Variants in FBXO46 observed in about 807,000 individuals in gnomAD.
FBXO46 encodes the protein F-box protein 46.
In FBXO46, 13 loss-of-function variants were observed where a neutral mutation model predicts 30.7. That is an observed-to-expected ratio of 0.42 (90% CI 0.28 to 0.67). FBXO46 has a LOEUF of 0.67. FBXO46 is among the 30% of genes least tolerant of loss of function. The pLI is 0.21. For synonymous variants in FBXO46, 467 were observed against 385.8 expected (o/e 1.21, Z -2.47); for missense variants, 754 against 871.5 (o/e 0.87, Z 1.70).
chr19:45,711,819 T>A lies in FBXO46; in HGVS notation c.1677A>T (p.Gly559=), dbSNP rs892107832. The A allele has an allele frequency of 1.2e-6, 2 of 1,612,988 alleles. No individual in the cohort carries two copies. Among genetic ancestry groups the A allele is most frequent in the South Asian group, 2.2e-5 (2 of 91,054 alleles). The change falls in exon 2 of 2, where the codon GGA becomes GGT. Residue 559 remains glycine, a synonymous_variant. Coordinates refer to ENST00000317683, the MANE Select transcript of FBXO46 (RefSeq NM_001080469.2). ...PKPYHHDLPY[G]RSYWMCCRRA... is the part of the protein sequence containing the mutation. ...GACGGCAGCACATCCAGTAGGAACGTCCGTAAGGCAGGTCATGGTGGTAGG... is the reference window on the plus strand; with the variant it reads ...GACGGCAGCACATCCAGTAGGAACGACCGTAAGGCAGGTCATGGTGGTAGG...
At position 45,713,089 on chromosome 19, in the gene FBXO46, C is replaced by T. The variant is rs374509869; in HGVS notation, c.407G>A (p.Arg136His). 7.2e-5 allele frequency: 115 copies of T among 1,598,126 alleles called. No homozygotes were observed. The highest frequency in any genetic ancestry group is 1.1e-4 in the East Asian group (5 of 44,790). Residue 136 changes from arginine (R) to histidine (H), a missense_variant, in exon 2 of 2, where the codon CGC (arginine) becomes CAC (histidine). By Grantham distance (29) the Arg-to-His change is conservative. Coordinates refer to ENST00000317683, the MANE Select transcript of FBXO46 (RefSeq NM_001080469.2). This position sits in a 1 kb window ranked among gnomAD's most constrained non-coding sequence, Gnocchi z 4.7. ...AGGAGCCTTGGTGGGGTCAAGACAG[C>T]GCCTCCGCCGCTTGGCCTTGGAGCT... ...SDSSKAKRRR[R>H]CLDPTKAPPD...
chr19:45,720,977 G>A (rs1218700329), intron 1 of FBXO46, among the ~76,000 whole-genome samples: 3 of 149,092 alleles, frequency 2.0e-5, no homozygotes, highest in Non-Finnish European at 4.4e-5. Context: ...CTCCAGCCTG[G>A]GTGACAGAGC....
rs921863868 is a variant in FBXO46, at chr19:45,713,947, G to A, written c.-78-374C>T. Among the ~76,000 whole-genome samples, 3 of 126,558 alleles carry A rather than the reference G, an allele frequency of 2.4e-5. No individual in the cohort carries two copies. The highest frequency in any genetic ancestry group is 9.1e-5 in the African/African-American group (3 of 32,988). The allele number at this position is 126,558 out of a possible 152,430, so 83.0% of individuals were successfully genotyped here. A position where few individuals can be genotyped will look rare whatever the true frequency, so the allele number is the denominator to read the frequency against. On this transcript the variant is annotated intron_variant, in intron 1 of 1. Transcript: ENST00000317683. The surrounding 1 kb of genome is among the most constrained non-coding windows in gnomAD (Gnocchi z 4.7). ...GGCACCATTACACTCCAGCCTGGGC[G>A]ACAAGAGCGAAACTCCGTCTCAAAA...
At chr19:45,727,391 C>T (rs1312185408) in intron 1 of FBXO46, among the ~76,000 whole-genome samples, 3 of 152,026 alleles carry the variant, frequency 2.0e-5, no homozygotes, top group African/African-American at 7.2e-5. Context: ...AACCTCATCT[C>T]TACTAAAAAT....
At chr19:45,720,436 T>C (rs1968153716) in intron 1 of FBXO46, among the ~76,000 whole-genome samples, 1 of 151,574 alleles carries the variant, frequency 6.6e-6, no homozygotes, top group Non-Finnish European at 1.5e-5. Context: ...CCTGGCCTAA[T>C]ATTTGTATTT....
chr19:45,713,195 C>A lies in FBXO46; in HGVS notation c.301G>T (p.Val101Leu). 6.2e-7 allele frequency: 1 copy of A among 1,613,906 alleles called. No individual in the cohort carries two copies. The highest frequency in any genetic ancestry group is 2.2e-5 in the East Asian group (1 of 44,884). Reference protein sequence around the residue: ...VIKPGNTKEKVAFFVAHQCGG... With the variant: ...VIKPGNTKEKLAFFVAHQCGG... Reference sequence around the variant, plus strand: ...CACTGGTGGGCCACAAAGAAGGCCACCTTCTCCTTTGTATTCCCGGGCTTG... The same window carrying A: ...CACTGGTGGGCCACAAAGAAGGCCAACTTCTCCTTTGTATTCCCGGGCTTG... The change falls in exon 2 of 2, where the codon GTG (valine) becomes TTG (leucine). Residue 101 changes from valine to leucine, a missense_variant. Physicochemically the swap from Val to Leu is conservative, Grantham distance 32. Around this residue, in one of 5 missense-constraint regions of FBXO46, gnomAD observed 39 missense variants for 56.5 expected, o/e 0.69. Transcript: ENST00000317683. This position sits in a 1 kb window ranked among gnomAD's most constrained non-coding sequence, Gnocchi z 4.7.
chr19:45,711,909 C>T lies in FBXO46; in HGVS notation c.1587G>A (p.Pro529=). 1 of 1,613,610 alleles carries T rather than the reference C, an allele frequency of 6.2e-7. No homozygotes were observed. Among genetic ancestry groups the T allele is most frequent in the South Asian group, 1.1e-5 (1 of 91,072 alleles). ...WSRDPLYRDD[P]CKQCRKRYEK... is the part of the protein sequence containing the mutation. ...CGTATCTCTTGCGGCACTGTTTGCA[C>T]GGATCATCGCGGTAGAGCGGGTCTC... Residue 529 remains proline, a synonymous_variant, in exon 2 of 2, where the codon CCG becomes CCA. Transcript: ENST00000317683.
rs1355976911 is a variant in FBXO46, at chr19:45,711,696, C to T, written c.1800G>A (p.Glu600=). The T allele has an allele frequency of 3.3e-6, 5 of 1,530,904 alleles. No individual in the cohort carries two copies. In the African/African-American group the frequency reaches 5.5e-5, roughly 17 times the overall value. 94.8% of individuals were successfully genotyped at this position (1,530,904 alleles called of 1,614,324 possible). Residue 600 remains glutamate (E), a synonymous_variant, in exon 2 of 2, where the codon GAG becomes GAA. Transcript: ENST00000317683. ...NGPGGGRAGR[E]EGR ...CCCTCCCCCGGCTTCACCTCCCCTC[C>T]TCCCGGCCGGCCCGGCCCCCGCCTG...
intron 1 of FBXO46, among the ~76,000 whole-genome samples, chr19:45,721,297 T>C (rs768070220): frequency 1.4e-4 from 22 of 152,030 alleles, no homozygotes; most frequent in Non-Finnish European, 2.6e-4. Context: ...TGAGCTGAGA[T>C]TTTGCCACTG....
chr19:45,720,156 C>T (rs899458543), intron 1 of FBXO46, among the ~76,000 whole-genome samples: 1 of 151,956 alleles, frequency 6.6e-6, no homozygotes, highest in South Asian at 2.1e-4. Context: ...CGGAGTCTTG[C>T]TCTGTTGCCC....
chr19:45,712,249 G>C lies in FBXO46; in HGVS notation c.1247C>G (p.Pro416Arg). 6.2e-7 allele frequency: 1 copy of C among 1,604,606 alleles called. No individual in the cohort carries two copies. Among genetic ancestry groups the C allele is most frequent in the Non-Finnish European group, 8.5e-7 (1 of 1,178,636 alleles). Reference sequence around the variant, plus strand: ...CGGGGGTGGCTCCGGGGGCCCGTCCGGCCCGCGGTTCTGGAGAAAGAAGAG... The same window carrying C: ...CGGGGGTGGCTCCGGGGGCCCGTCCCGCCCGCGGTTCTGGAGAAAGAAGAG... ...GQLFFLQNRG[P>R]DGPPEPPPAD... Residue 416 changes from proline (P) to arginine (R), a missense_variant, in exon 2 of 2, where the codon CCG becomes CGG. Physicochemically the swap from Pro to Arg is moderately radical, Grantham distance 103. This residue lies in a region of FBXO46 where 454 missense variants were observed against 426.5 expected (regional missense o/e 1.06). Coordinates refer to ENST00000317683, the MANE Select transcript of FBXO46 (RefSeq NM_001080469.2). The surrounding 1 kb of genome is among the most constrained non-coding windows in gnomAD (Gnocchi z 8.8).
In FBXO46 at chr19:45,713,567, A is replaced by G. The variant is rs900303681; in HGVS notation, c.-72T>C. On this transcript the variant is annotated 5_prime_UTR_variant, in exon 2 of 2. It removes an upstream start codon present in the reference 5' UTR. Coordinates refer to ENST00000317683, the MANE Select transcript of FBXO46 (RefSeq NM_001080469.2). The surrounding 1 kb of genome is among the most constrained non-coding windows in gnomAD (Gnocchi z 4.7). ...CCTAGGTGGTGGTGGGAGGCTCCAC[A>G]TGCCACCTGGAGACACGAAGAGGAG... 7.9e-7 allele frequency: 1 copy of G among 1,268,682 alleles called. No individual in the cohort carries two copies. The highest frequency in any genetic ancestry group is 1.1e-6 in the Non-Finnish European group (1 of 923,392). The allele number at this position is 1,268,682 out of a possible 1,614,324, so 78.6% of individuals were successfully genotyped here. A position where few individuals can be genotyped will look rare whatever the true frequency, so the allele number is the denominator to read the frequency against.
rs776239625 is a variant in FBXO46, at chr19:45,712,710, G to C, written c.786C>G (p.Ala262=). Residue 262 remains alanine (A), a synonymous_variant, in exon 2 of 2, where the codon GCC becomes GCG. Coordinates refer to ENST00000317683, the MANE Select transcript of FBXO46 (RefSeq NM_001080469.2). This position sits in a 1 kb window ranked among gnomAD's most constrained non-coding sequence, Gnocchi z 8.8. The stretch of plus-strand genomic sequence containing the variant: ...GCTCCCGGCCGTTGGAGATGCGGAA[G>C]GCGATGCGCACCTCCCCAGGGCCTG... ...PGPGPGEVRI[A]FRISNGREPR... 6.2e-6 allele frequency: 10 copies of C among 1,612,680 alleles called. No individual in the cohort carries two copies. Among genetic ancestry groups the C allele is most frequent in the Non-Finnish European group, 7.6e-6 (9 of 1,179,448 alleles).
upstream of FBXO46, among the ~76,000 whole-genome samples, chr19:45,731,782 GCAGTTCAGCCTGGGCGA>G (rs1288764119): frequency 5.3e-5 from 8 of 151,848 alleles, no homozygotes; most frequent in Non-Finnish European, 1.2e-4. Flanking sequence ...CGCCCTCCAT[GCAGTTCAGCCTGGGCGA>G]CAGAATGAGA....
chr19:45,733,001 T>G, upstream of FBXO46, among the ~76,000 whole-genome samples: 1 of 151,890 alleles, frequency 6.6e-6, no homozygotes, highest in East Asian at 1.9e-4. This position sits in a 1 kb window ranked among gnomAD's most constrained non-coding sequence, Gnocchi z 5.7. Context: ...GTGGCTAAGT[T>G]CCCACCATCT....
chr19:45,724,193 C>T (rs1253326917), intron 1 of FBXO46, among the ~76,000 whole-genome samples: 1 of 152,154 alleles, frequency 6.6e-6, no homozygotes, highest in African/African-American at 2.4e-5. Flanking sequence ...AGTGTCAGAT[C>T]ACCCCAGGGT....
intron 1 of FBXO46, among the ~76,000 whole-genome samples, chr19:45,726,044 T>A (rs182327913): frequency 1.3e-4 from 20 of 152,176 alleles, no homozygotes; most frequent in South Asian, 6.2e-4. Flanking sequence ...ACTAATTTTT[T>A]AAAAAATTTA....
At position 45,711,661 on chromosome 19, in the gene FBXO46, C is replaced by A. The variant is rs1458190535; in HGVS notation, c.*23G>T. ...AGAGGGGAGGGGTGGGCGTGGTGGG[C>A]TCTCCCCTCCCCTCCCCCGGCTTCA... On this transcript the variant is annotated 3_prime_UTR_variant, in exon 2 of 2. Transcript: ENST00000317683. 6.6e-7 allele frequency: 1 copy of A among 1,507,912 alleles called. No individual in the cohort carries two copies. The highest frequency in any genetic ancestry group is 2.0e-5 in the Admixed American group (1 of 50,762). The allele number at this position is 1,507,912 out of a possible 1,614,324, so 93.4% of individuals were successfully genotyped here. A position where few individuals can be genotyped will look rare whatever the true frequency, so the allele number is the denominator to read the frequency against.
In FBXO46 at chr19:45,711,330, C is replaced by G. The variant is rs753129138; in HGVS notation, c.*354G>C. 2 of 484,906 alleles carry G rather than the reference C, an allele frequency of 4.1e-6. No homozygotes were observed. Among genetic ancestry groups the G allele is most frequent in the South Asian group, 1.6e-5 (1 of 61,866 alleles). The allele number at this position is 484,906 out of a possible 1,614,324, so 30.0% of individuals were successfully genotyped here. The stretch of plus-strand genomic sequence containing the variant: ...GGATGGGGGCCAGAATGGGGGGACC[C>G]TTAAGTGGTACCAAAATTAGCTGCC... On this transcript the variant is annotated 3_prime_UTR_variant, in exon 2 of 2. Coordinates refer to ENST00000317683, the MANE Select transcript of FBXO46 (RefSeq NM_001080469.2).
Sources: gnomAD v4.1 joint callset for allele counts (sites outside exome capture counted in the v4.1 genomes callset) on GRCh38, gnomAD v4.1.1 for gene constraint, gnomAD v4.1.1 regional missense constraint, Gnocchi (gnomAD v3.1) non-coding constraint, MANE v1.5 for transcripts, NCBI Gene and HGNC (gene_info 2026-07-23, HGNC 2026-07-21) for gene names.